The following GALNT7 variants were observed in gnomAD, a reference collection of about 807,000 sequenced individuals.
The protein encoded by GALNT7 is N-acetylgalactosaminyltransferase 7.
Under a neutral mutation model 82.1 loss-of-function variants are expected in GALNT7, and 60 were observed. The observed-to-expected ratio is 0.73, with a 90% CI of 0.59 to 0.91. The LOEUF is 0.91. GALNT7 is among the 40% of genes least tolerant of loss of function. The pLI, the probability that GALNT7 is intolerant of heterozygous loss-of-function variation, is 0.00. For missense variants in GALNT7, 660 were observed against 804.2 expected (o/e 0.82, Z 2.17); for synonymous variants, 243 against 275.1 (o/e 0.88, Z 1.15).
intron 1 of GALNT7, among the ~76,000 whole-genome samples, chr4:173,175,960 C>T (rs989666016): frequency 2.0e-5 from 3 of 152,108 alleles, no homozygotes; most frequent in African/African-American, 7.2e-5. Flanking sequence ...GTAATCCCAG[C>T]TACTCAGGAG....
intron 6 of GALNT7, among the ~76,000 whole-genome samples, chr4:173,301,477 TG>T (rs1261916657): frequency 6.6e-6 from 1 of 152,242 alleles, no homozygotes; most frequent in East Asian, 1.9e-4. Flanking sequence ...TCCTACCTCC[TG>T]GCACAGTAAA....
At chr4:173,169,623 C>G (rs1731781620) in intron 1 of GALNT7, 1 of 151,548 alleles carries the variant, frequency 6.6e-6, no homozygotes, top group Non-Finnish European at 1.5e-5. Context: ...GATGCGCGGC[C>G]GAGGCCTCGC....
chr4:173,269,735 C>G (rs999208089), intron 2 of GALNT7, among the ~76,000 whole-genome samples: 1 of 152,204 alleles, frequency 6.6e-6, no homozygotes, highest in Non-Finnish European at 1.5e-5. Flanking sequence ...TCCTCCTCCT[C>G]CTCCTCAACA....
At chr4:173,186,887 C>T (rs770682128) in intron 1 of GALNT7, among the ~76,000 whole-genome samples, 3 of 151,906 alleles carry the variant, frequency 2.0e-5, no homozygotes, top group Non-Finnish European at 4.4e-5. Flanking sequence ...GCCTTACTCT[C>T]ACGAGTAGCT....
At chr4:173,290,378 G>A (rs538656837) in intron 2 of GALNT7, among the ~76,000 whole-genome samples, 4 of 152,190 alleles carry the variant, frequency 2.6e-5, no homozygotes, top group Admixed American at 6.5e-5. Context: ...AAGTCTATAC[G>A]TACTCATCTG....
chr4:173,234,536 A>ACCTCCCT lies in GALNT7; in HGVS notation c.127-13442_127-13436dup, dbSNP rs141150233. Among the ~76,000 whole-genome samples, 470 of 152,114 alleles carry ACCTCCCT rather than the reference A, an allele frequency of 3.1e-3. 1 individual carries two copies. The highest frequency in any genetic ancestry group is 0.011 in the African/African-American group (442 of 41,484). ...TACAAATCTTAAAGTCATTCTTCAT[A>ACCTCCCT]CCTCCCTCTCCTTCATCACACATAT... On this transcript the variant is annotated intron_variant, in intron 1 of 11. Transcript: ENST00000265000.
At chr4:173,169,171 C>T (rs1259203788) in intron 1 of GALNT7, 4 of 213,138 alleles carry the variant, frequency 1.9e-5, no homozygotes, top group Non-Finnish European at 3.6e-5. Flanking sequence ...CTCGCCGCCC[C>T]TTCCTCCGCT....
rs1210465063 is a variant in GALNT7 at position 173,211,411 on chromosome 4, G to A, written c.127-36569G>A. Among the ~76,000 whole-genome samples the A allele has an allele frequency of 2.0e-5, 3 of 152,138 alleles. No individual in the cohort carries two copies. In the East Asian group the frequency reaches 5.8e-4, roughly 29 times the overall value. Reference sequence around the variant, plus strand: ...GATCCAGCTTCTTCAGTCTACCTATGACTAAACACGTCCTGTGTGATCAAA... The same window carrying A: ...GATCCAGCTTCTTCAGTCTACCTATAACTAAACACGTCCTGTGTGATCAAA... On this transcript the variant is annotated intron_variant, in intron 1 of 11. Transcript: ENST00000265000.
In GALNT7 at chr4:173,314,114, G is replaced by A; in HGVS notation, c.1546G>A (p.Glu516Lys). 6.2e-7 allele frequency: 1 copy of A among 1,614,040 alleles called. No homozygotes were observed. The highest frequency in any genetic ancestry group is 1.7e-5 in the Admixed American group (1 of 60,022). The change falls in exon 9 of 12, where the codon GAA becomes AAA. Residue 516 changes from glutamate to lysine, a missense_variant. By Grantham distance (56) the Glu-to-Lys change is moderately conservative. Coordinates refer to ENST00000265000, the MANE Select transcript of GALNT7 (RefSeq NM_017423.3). Reference protein sequence around the residue: ...NCKSFKWFMEEIAYDITSHYP... With the variant: ...NCKSFKWFMEKIAYDITSHYP... ...CAAAAGTTTTAAGTGGTTCATGGAA[G>A]AAATAGCTTATGATATCACCTCACA...
At chr4:173,316,276 G>A (rs934141082) in intron 9 of GALNT7, 3 of 152,328 alleles carry the variant, frequency 2.0e-5, no homozygotes, top group Non-Finnish European at 4.4e-5. Flanking sequence ...CCTCTGCCAG[G>A]AATGCTTCCT....
At chr4:173,171,132 T>C (rs565800842) in intron 1 of GALNT7, among the ~76,000 whole-genome samples, 1 of 152,246 alleles carries the variant, frequency 6.6e-6, no homozygotes, top group South Asian at 2.1e-4. Context: ...CCCAGGTAAA[T>C]AGTAATACAA....
At chr4:173,315,263 G>A (rs1464663562) in intron 9 of GALNT7, among the ~76,000 whole-genome samples, 1 of 152,178 alleles carries the variant, frequency 6.6e-6, no homozygotes, top group Admixed American at 6.5e-5. Flanking sequence ...TGACATCGAG[G>A]TTGTTTTGAG....
At position 173,248,347 on chromosome 4, in the gene GALNT7, C is replaced by T; in HGVS notation, c.494C>T (p.Ala165Val). 1 of 1,613,740 alleles carries T rather than the reference C, an allele frequency of 6.2e-7. No homozygotes were observed. Among genetic ancestry groups the T allele is most frequent in the Non-Finnish European group, 8.5e-7 (1 of 1,179,708 alleles). ...GTTTTGGGACCAGAATTCAAACAAG[C>T]AATTCAAGCCAGCATTAAAGAGTTT... is the stretch of plus-strand genomic sequence containing the variant. ...PLVLGPEFKQ[A>V]IQASIKEFGF... Residue 165 changes from alanine (A) to valine (V), a missense_variant, in exon 2 of 12, where the codon GCA becomes GTA. Physicochemically the swap from Ala to Val is moderately conservative, Grantham distance 64. Around this residue, in one of 2 missense-constraint regions of GALNT7, gnomAD observed 527 missense variants for 683.5 expected, o/e 0.77. Transcript: ENST00000265000.
At chr4:173,283,959 C>G (rs1163118044) in intron 2 of GALNT7, among the ~76,000 whole-genome samples, 4 of 152,160 alleles carry the variant, frequency 2.6e-5, no homozygotes, top group African/African-American at 9.7e-5. Context: ...CAAACATGTT[C>G]CAAATTTTGT....
intron 1 of GALNT7, among the ~76,000 whole-genome samples, chr4:173,183,901 A>G (rs1319277899): frequency 6.7e-6 from 1 of 149,372 alleles, no homozygotes; most frequent in Non-Finnish European, 1.5e-5. Flanking sequence ...TGCCGGGTGG[A>G]GGGGCTCCTC....
chr4:173,278,539 A>G (rs954667407), intron 2 of GALNT7, among the ~76,000 whole-genome samples: 9 of 152,236 alleles, frequency 5.9e-5, no homozygotes, highest in Admixed American at 1.3e-4. Context: ...ACCTGCTGGA[A>G]CATGCACCTA....
intron 2 of GALNT7, among the ~76,000 whole-genome samples, chr4:173,288,787 T>G (rs894110654): frequency 5.9e-5 from 9 of 152,006 alleles, no homozygotes; most frequent in African/African-American, 2.2e-4. Context: ...AAGCCCTTAC[T>G]AGGTGAAAAT....
chr4:173,263,934 G>T (rs1055401972), intron 2 of GALNT7, among the ~76,000 whole-genome samples: 1 of 152,110 alleles, frequency 6.6e-6, no homozygotes, highest in African/African-American at 2.4e-5. Flanking sequence ...GATTACCTAG[G>T]TTCTAAACTG....
At chr4:173,211,230 C>T (rs1733275364) in intron 1 of GALNT7, among the ~76,000 whole-genome samples, 1 of 152,176 alleles carries the variant, frequency 6.6e-6, no homozygotes, top group African/African-American at 2.4e-5. Flanking sequence ...TGTTCAGAAT[C>T]ACCTGGAAGC....
Sources: gnomAD v4.1 joint callset for allele counts (sites outside exome capture counted in the v4.1 genomes callset) on GRCh38, gnomAD v4.1.1 for gene constraint, gnomAD v4.1.1 regional missense constraint, MANE v1.5 for transcripts, NCBI Gene and HGNC (gene_info 2026-07-23, HGNC 2026-07-21) for gene names.